Variants in KIAA2012 observed in about 807,000 individuals in gnomAD.
KIAA2012 encodes uncharacterized protein KIAA2012.
A neutral mutation model predicts 150.6 loss-of-function variants in KIAA2012; 125 were observed. The ratio of observed to expected loss-of-function variants is 0.83; its 90% CI spans 0.72 to 0.96. The LOEUF (loss-of-function observed/expected upper bound fraction) is 0.96, where lower values mean the gene tolerates loss of function less well. Ranked by LOEUF, KIAA2012 falls within the 40% of genes least tolerant of loss-of-function variation. The pLI is 0.00. For missense variants in KIAA2012, 1,219 were observed against 1,354.9 expected, an observed-to-expected ratio of 0.90 and a Z score of 1.57; for synonymous variants, 462 against 504.7, an observed-to-expected ratio of 0.92 and a Z score of 1.13.
chr2:202,107,165 T>C (rs1428110803), intron 9 of KIAA2012, among the ~76,000 whole-genome samples: 2 of 152,232 alleles, frequency 1.3e-5, no homozygotes, highest in East Asian at 1.9e-4. Context: ...CCAGAATCCA[T>C]GTTCTTACTC....
intron 3 of KIAA2012, among the ~76,000 whole-genome samples, chr2:202,091,393 C>T (rs1173168803): frequency 2.0e-5 from 3 of 152,212 alleles, no homozygotes; most frequent in Non-Finnish European, 2.9e-5. Context: ...TTCCTTAGTA[C>T]CCCATCTGAG....
chr2:202,141,727 T>TC (rs903983242), intron 13 of KIAA2012, among the ~76,000 whole-genome samples: 1 of 152,160 alleles, frequency 6.6e-6, no homozygotes, highest in African/African-American at 2.4e-5. Context: ...GGAAATTAGT[T>TC]CCCGGGATAC....
chr2:202,139,100 G>T (rs1203556935), intron 13 of KIAA2012, among the ~76,000 whole-genome samples: 1 of 152,012 alleles, frequency 6.6e-6, no homozygotes, highest in African/African-American at 2.4e-5. Context: ...AATTAGCCGG[G>T]TGTGGTGGCA....
chr2:202,200,434 G>A (rs1222099603), intron 22 of KIAA2012, among the ~76,000 whole-genome samples: 1 of 152,024 alleles, frequency 6.6e-6, no homozygotes, highest in African/African-American at 2.4e-5. Flanking sequence ...CTGTGCTTGG[G>A]GCACAGAGGG....
chr2:202,136,044 G>C (rs1691052229), intron 12 of KIAA2012: 1 of 398,208 alleles, frequency 2.5e-6, no homozygotes, highest in African/African-American at 2.1e-5. Context: ...GTTGTGTCCG[G>C]AAATGGTGGG....
intron 11 of KIAA2012, among the ~76,000 whole-genome samples, chr2:202,120,020 G>C (rs1690620803): frequency 6.6e-6 from 1 of 152,150 alleles, no homozygotes; most frequent in South Asian, 2.1e-4. Flanking sequence ...CTCTTTGCCT[G>C]CTGCTATCCA....
In KIAA2012 at chr2:202,097,478, C is replaced by T. The variant is rs772245327; in HGVS notation, c.729C>T (p.His243=). The change falls in exon 5 of 24, where the codon CAC becomes CAT. Residue 243 remains histidine, a synonymous_variant. Coordinates refer to ENST00000498697, the MANE Select transcript of KIAA2012 (RefSeq NM_001277372.4). Reference sequence around the variant, plus strand: ...AAGGGGAAGCTGGAGCTGCTGGACACGTGGACCAGGGCCCTCTAGCCAAGA... The same window carrying T: ...AAGGGGAAGCTGGAGCTGCTGGACATGTGGACCAGGGCCCTCTAGCCAAGA... ...LDEGEAGAAG[H]VDQGPLAKNH... is the part of the protein sequence containing the mutation. The T allele has an allele frequency of 4.1e-5, 63 of 1,550,392 alleles. No individual in the cohort carries two copies. In the African/African-American group the frequency reaches 5.9e-4, roughly 14 times the overall value.
intron 12 of KIAA2012, among the ~76,000 whole-genome samples, chr2:202,129,921 G>A (rs1314704100): frequency 6.6e-6 from 1 of 152,196 alleles, no homozygotes; most frequent in Admixed American, 6.5e-5. Flanking sequence ...GACTATTACT[G>A]AGCTAGTGAG....
In KIAA2012 at chr2:202,115,385, C is replaced by T. The variant is rs191871508; in HGVS notation, c.1762+1939C>T. 28 of 152,236 alleles carry T rather than the reference C, an allele frequency of 1.8e-4. 1 individual carries two copies. The highest frequency in any genetic ancestry group is 6.3e-4 in the African/African-American group (26 of 41,512). The allele number at this position is 152,236 out of a possible 1,614,324, so 9.4% of individuals were successfully genotyped here. On this transcript the variant is annotated intron_variant, in intron 11 of 23. Coordinates refer to ENST00000498697, the MANE Select transcript of KIAA2012 (RefSeq NM_001277372.4). The stretch of plus-strand genomic sequence containing the variant: ...ACCCCTTGTTCATCTCTTTGATGAC[C>T]TAAAAATTCAGTCTTCATTCTTTTC...
At chr2:202,143,042 C>T (rs930475946) in intron 13 of KIAA2012, among the ~76,000 whole-genome samples, 8 of 148,678 alleles carry the variant, frequency 5.4e-5, no homozygotes, top group Non-Finnish European at 1.0e-4. Context: ...CACTGGGGAG[C>T]GAAATCACCT....
rs1358316446 is a variant in KIAA2012, at chr2:202,143,169, C to T, written c.1908+4661C>T. ...GCACAAACTCGGCTCACTGCAACCT[C>T]CGCCTCCAGGGTTCAAGCAATTCTC... On this transcript the variant is annotated intron_variant, in intron 13 of 23. Transcript: ENST00000498697. Among the ~76,000 whole-genome samples, 3 of 151,166 alleles carry T rather than the reference C, an allele frequency of 2.0e-5. No individual in the cohort carries two copies. In the East Asian group the frequency reaches 5.8e-4, roughly 29 times the overall value.
intron 12 of KIAA2012, among the ~76,000 whole-genome samples, chr2:202,127,464 T>C (rs760045612): frequency 4.6e-5 from 7 of 152,124 alleles, no homozygotes; most frequent in Non-Finnish European, 1.0e-4. Flanking sequence ...TTTGGAAGTA[T>C]ATAGAGCTTA....
At chr2:202,179,199 G>A (rs1199768248) in intron 15 of KIAA2012, 12 of 603,546 alleles carry the variant, frequency 2.0e-5, no homozygotes, top group African/African-American at 1.3e-4. Flanking sequence ...GTGTCTATCT[G>A]ATTCAAATTG....
intron 18 of KIAA2012, among the ~76,000 whole-genome samples, chr2:202,189,360 C>T (rs915719108): frequency 6.6e-6 from 1 of 151,238 alleles, no homozygotes; most frequent in Non-Finnish European, 1.5e-5. Flanking sequence ...GGCATGATCT[C>T]GGCTCACTGC....
At chr2:202,126,351 G>A (rs1375299042) in intron 12 of KIAA2012, among the ~76,000 whole-genome samples, 1 of 152,136 alleles carries the variant, frequency 6.6e-6, no homozygotes, top group African/African-American at 2.4e-5. Context: ...AAGGGCTATA[G>A]GCAAATCAGG....
chr2:202,176,588 G>A (rs1266290686), intron 15 of KIAA2012, among the ~76,000 whole-genome samples: 1 of 152,218 alleles, frequency 6.6e-6, no homozygotes, highest in East Asian at 1.9e-4. Flanking sequence ...TACCTGCAAT[G>A]CATGTAACCA....
At chr2:202,118,575 C>T (rs1690581701) in intron 11 of KIAA2012, among the ~76,000 whole-genome samples, 1 of 144,690 alleles carries the variant, frequency 6.9e-6, no homozygotes, top group Admixed American at 7.1e-5. Context: ...AACTCTGTTT[C>T]TTCTTAAAAA....
chr2:202,125,623 T>C (rs1193652915), intron 12 of KIAA2012, among the ~76,000 whole-genome samples: 1 of 152,104 alleles, frequency 6.6e-6, no homozygotes, highest in Non-Finnish European at 1.5e-5. Context: ...AGGTAGACAT[T>C]GTCCCCTGGA....
intron 8 of KIAA2012, 51 bp from the exon 9 acceptor site, chr2:202,105,710 G>C: frequency 6.5e-7 from 1 of 1,531,210 alleles, no homozygotes; most frequent in Non-Finnish European, 8.8e-7. Context: ...AGAGACATTA[G>C]GCAAAAACAA....
Sources: allele counts gnomAD v4.1 joint callset (sites outside exome capture counted in the v4.1 genomes callset), GRCh38; gene constraint gnomAD v4.1.1; transcripts MANE v1.5; gene names NCBI Gene and HGNC (gene_info 2026-07-23, HGNC 2026-07-21).